The following KCNQ2 variants were observed in gnomAD, a reference collection of about 807,000 sequenced individuals.
KCNQ2 encodes potassium voltage-gated channel subfamily KQT member 2.
A neutral mutation model predicts 84.8 loss-of-function variants in KCNQ2; 14 were observed. That is an observed-to-expected ratio of 0.17 (90% CI 0.11 to 0.26). The LOEUF (loss-of-function observed/expected upper bound fraction) is 0.26, where lower values mean the gene tolerates loss of function less well. Among genes scored for constraint, KCNQ2 ranks in the 10% least tolerant of loss-of-function variants. The pLI, the probability that KCNQ2 is intolerant of heterozygous loss-of-function variation, is 1.00. For synonymous variants in KCNQ2, 599 were observed against 554.1 expected (o/e 1.08, Z -1.14); for missense variants, 788 against 1,254.0 (o/e 0.63, Z 5.61).
intron 10 of KCNQ2, among the ~76,000 whole-genome samples, chr20:63,426,297 G>T (rs989686495): frequency 2.6e-5 from 4 of 152,210 alleles, no homozygotes; most frequent in Non-Finnish European, 4.4e-5. Flanking sequence ...CCATCTTCAG[G>T]CCTCTGTGGA....
intron 1 of KCNQ2, among the ~76,000 whole-genome samples, chr20:63,451,980 C>T (rs987417357): frequency 6.6e-6 from 1 of 152,368 alleles, no homozygotes; most frequent in Non-Finnish European, 1.5e-5. Flanking sequence ...CAGAAGCACC[C>T]GGGACCACAC....
intron 10 of KCNQ2, chr20:63,424,469 G>C (rs902809520): frequency 7.1e-6 from 4 of 559,474 alleles, no homozygotes; most frequent in African/African-American, 5.6e-5. Flanking sequence ...CTGACCTGGG[G>C]GTCTCTACCC....
chr20:63,441,827 A>G (rs965134811), intron 5 of KCNQ2, among the ~76,000 whole-genome samples: 2 of 152,248 alleles, frequency 1.3e-5, no homozygotes, highest in African/African-American at 4.8e-5. Context: ...GGAGCTGCCC[A>G]TGCCTTCCCC....
intron 1 of KCNQ2, among the ~76,000 whole-genome samples, chr20:63,461,937 C>T (rs1330834046): frequency 8.2e-6 from 1 of 122,590 alleles, no homozygotes; most frequent in Non-Finnish European, 1.6e-5. Context: ...CCCCAGGGAG[C>T]AGGGAGGAGG....
At chr20:63,442,824 TCAC>T (rs1784693078) in intron 4 of KCNQ2, among the ~76,000 whole-genome samples, 1 of 20,644 alleles carries the variant, frequency 4.8e-5, no homozygotes, top group Non-Finnish European at 1.0e-4. Flanking sequence ...ACCATCACCA[TCAC>T]CATCACCACC....
intron 1 of KCNQ2, among the ~76,000 whole-genome samples, chr20:63,452,481 G>T (rs2081642610): frequency 1.3e-5 from 2 of 152,234 alleles, no homozygotes; most frequent in Non-Finnish European, 2.9e-5. Context: ...AGTCCGCTGA[G>T]CTAAGTGTTC....
At position 63,408,356 on chromosome 20, in the gene KCNQ2, TGAC is replaced by T. The variant is rs2080011993; in HGVS notation, c.1887+54_1887+56del. ...CCCTGAAGCCCACACTGCCACAGGT[TGAC>T]GGCAGGCACCACAGCCCTCCAGCCC... On this transcript the variant is annotated intron_variant, in intron 16 of 16. Coordinates refer to ENST00000359125, the MANE Select transcript of KCNQ2 (RefSeq NM_172107.4). The surrounding 1 kb of genome is among the most constrained non-coding windows in gnomAD (Gnocchi z 5.0). The T allele has an allele frequency of 6.3e-7, 1 of 1,595,070 alleles. No individual in the cohort carries two copies. Among genetic ancestry groups the T allele is most frequent in the Non-Finnish European group, 8.5e-7 (1 of 1,175,910 alleles).
rs1568941635 is a variant in KCNQ2 at position 63,445,295 on chromosome 20, G to A, written c.457C>T (p.Arg153Trp). 6.2e-7 allele frequency: 1 copy of A among 1,613,830 alleles called. No homozygotes were observed. The highest frequency in any genetic ancestry group is 8.5e-7 in the Non-Finnish European group (1 of 1,180,022). ...AGCCGCCCCCTCCAGCCACGGTACC[G>A]GCAGCAGCAGCCTGCGGCCCAGATC... ...VRIWAAGCCCRYRGWRGRLKF... is the reference protein window; with the variant it reads ...VRIWAAGCCCWYRGWRGRLKF... The change falls in exon 3 of 17, where the codon CGG becomes TGG. Residue 153 changes from arginine to tryptophan, a missense_variant. Transcript: ENST00000359125.
chr20:63,456,693 A>C (rs890338804), intron 1 of KCNQ2, among the ~76,000 whole-genome samples: 4 of 152,114 alleles, frequency 2.6e-5, no homozygotes, highest in African/African-American at 9.7e-5. Flanking sequence ...CACAGTCGGG[A>C]AAACAGAGGC....
At chr20:63,409,833 T>G (rs1256233092) in intron 15 of KCNQ2, 1 of 129,680 alleles carries the variant, frequency 7.7e-6, no homozygotes, top group Non-Finnish European at 1.6e-5. Context: ...TACCTGCCTC[T>G]GATGGGGGCG....
intron 11 of KCNQ2, among the ~76,000 whole-genome samples, chr20:63,421,342 T>G (rs3787128): frequency 1.3e-5 from 2 of 152,070 alleles, no homozygotes; most frequent in Non-Finnish European, 2.9e-5. Flanking sequence ...AACAGCCACA[T>G]GTGGCTGGCA....
intron 11 of KCNQ2, chr20:63,422,181 G>C (rs948857625): frequency 6.5e-6 from 1 of 153,072 alleles, no homozygotes; most frequent in Admixed American, 6.5e-5. Flanking sequence ...GCCAGGAGCC[G>C]AGCTCCCCAT....
chr20:63,442,689 C>G (rs1600768922), intron 4 of KCNQ2, among the ~76,000 whole-genome samples, 158 bp from the exon 5 acceptor site: 1 of 98,994 alleles, frequency 1.0e-5, no homozygotes, highest in Non-Finnish European at 2.2e-5. Flanking sequence ...ACCACCATCA[C>G]CATCACCACC....
chr20:63,430,127 T>C (rs1030714880), intron 9 of KCNQ2, among the ~76,000 whole-genome samples: 5 of 152,126 alleles, frequency 3.3e-5, no homozygotes, highest in African/African-American at 1.2e-4. Context: ...CAGAGCCACA[T>C]AGGAGGCCAT....
chr20:63,412,116 G>A (rs373558150), intron 15 of KCNQ2: 35 of 505,862 alleles, frequency 6.9e-5, no homozygotes, highest in African/African-American at 2.2e-4. Flanking sequence ...GCCCCACTGC[G>A]GAGACCCGGG....
chr20:63,438,425 CCT>C lies in KCNQ2; in HGVS notation c.1023+198_1023+199del, dbSNP rs1353358457. On this transcript the variant is annotated intron_variant, in intron 7 of 16. Coordinates refer to ENST00000359125, the MANE Select transcript of KCNQ2 (RefSeq NM_172107.4). The surrounding 1 kb of genome is among the most constrained non-coding windows in gnomAD (Gnocchi z 5.1). The stretch of plus-strand genomic sequence containing the variant: ...CCCCAGCGTCCTCACACGAGCCACC[CCT>C]GTGCAGCCTCAGGGGTTGGAGCCAT... 7 of 641,334 alleles carry C rather than the reference CCT, an allele frequency of 1.1e-5. No individual in the cohort carries two copies. In the East Asian group the frequency reaches 1.4e-4, roughly 13 times the overall value. 39.7% of individuals were successfully genotyped at this position (641,334 alleles called of 1,614,324 possible).
rs1170598315 is a variant in KCNQ2 at position 63,404,492 on chromosome 20, T to A, written c.*2152A>T. ...CACAGCCTCCCTCCACTGCCAGGTC[T>A]CCCTTCTCCAGGGTCCTGGAGTCCA... On this transcript the variant is annotated 3_prime_UTR_variant, in exon 17 of 17. Coordinates refer to ENST00000359125, the MANE Select transcript of KCNQ2 (RefSeq NM_172107.4). 1 of 152,326 alleles carries A rather than the reference T, an allele frequency of 6.6e-6. No homozygotes were observed. The highest frequency in any genetic ancestry group is 2.4e-5 in the African/African-American group (1 of 41,398). 9.4% of individuals were successfully genotyped at this position (152,326 alleles called of 1,614,324 possible).
At chr20:63,409,763 G>T (rs921699945) in intron 15 of KCNQ2, among the ~76,000 whole-genome samples, 2 of 148,184 alleles carry the variant, frequency 1.3e-5, no homozygotes, top group African/African-American at 5.0e-5. Context: ...GGGACTTCCT[G>T]CCACTGGGCT....
At chr20:63,462,352 A>G (rs2081978842) in intron 1 of KCNQ2, among the ~76,000 whole-genome samples, 1 of 149,430 alleles carries the variant, frequency 6.7e-6, no homozygotes, top group South Asian at 2.1e-4. Context: ...CATCTACCCC[A>G]GGGAGCAGGG....
Sources: gnomAD v4.1 joint callset for allele counts (sites outside exome capture counted in the v4.1 genomes callset) on GRCh38, gnomAD v4.1.1 for gene constraint, Gnocchi (gnomAD v3.1) non-coding constraint, MANE v1.5 for transcripts, NCBI Gene and HGNC (gene_info 2026-07-23, HGNC 2026-07-21) for gene names.